MGST2: variants seen among roughly 807,000 people sequenced by gnomAD.
MGST2 encodes the protein glutathione peroxidase MGST2.
In MGST2, 9 loss-of-function variants were observed where a neutral mutation model predicts 16.6. The observed-to-expected ratio is 0.54, with a 90% CI of 0.33 to 0.95. The LOEUF is 0.95. Among genes scored for constraint, MGST2 ranks in the 40% least tolerant of loss-of-function variants. The pLI is 0.03. For missense variants in MGST2, 159 were observed against 175.1 expected (o/e 0.91, Z 0.52); for synonymous variants, 79 against 68.0 (o/e 1.16, Z -0.79).
chr4:139,719,772 G>T, intron 5 of MGST2: 1 of 1,613,712 alleles, frequency 6.2e-7, no homozygotes, highest in Non-Finnish European at 8.5e-7. Context: ...CCAGCTTGAA[G>T]AGGGTAGCTG....
chr4:139,748,295 T>C, the MGST2 span, among the ~76,000 whole-genome samples: 1 of 152,122 alleles, frequency 6.6e-6, no homozygotes, highest in Admixed American at 6.5e-5. Flanking sequence ...TTTCTAGGGC[T>C]GGTCACCAAG....
At chr4:139,711,485 C>A (rs1488598193) in intron 5 of MGST2, among the ~76,000 whole-genome samples, 1 of 152,150 alleles carries the variant, frequency 6.6e-6, no homozygotes, top group Non-Finnish European at 1.5e-5. Flanking sequence ...TTATTCATGT[C>A]TCTCCTTTTT....
chr4:139,707,744 C>T (rs1175866753), downstream of MGST2, among the ~76,000 whole-genome samples: 2 of 152,040 alleles, frequency 1.3e-5, no homozygotes, highest in Admixed American at 6.5e-5. Flanking sequence ...GAATGATCGC[C>T]ATTCTAACTG....
the MGST2 span, among the ~76,000 whole-genome samples, chr4:139,747,672 C>A: frequency 7.0e-6 from 1 of 143,348 alleles, no homozygotes; most frequent in African/African-American, 2.6e-5. Context: ...CCAGCCTGGG[C>A]AAGAGAGCAA....
At chr4:139,680,780 T>C (rs2262377) in intron 2 of MGST2, among the ~76,000 whole-genome samples, 62,521 of 152,010 alleles carry the variant, frequency 0.41, 13,354 homozygotes, top group African/African-American at 0.5. Context: ...TCCTTACCCT[T>C]AGAGTTTTTG....
chr4:139,730,920 G>A (rs1227068571), intron 5 of MGST2: 18 of 555,170 alleles, frequency 3.2e-5, no homozygotes, highest in Non-Finnish European at 5.5e-5. Flanking sequence ...AGTCTGTTTC[G>A]GATGGGACTG....
At chr4:139,719,305 T>C in intron 5 of MGST2, 2 of 1,549,052 alleles carry the variant, frequency 1.3e-6, no homozygotes, top group Non-Finnish European at 1.7e-6. Context: ...GAGTTGTGGA[T>C]CTTGGGGCCT....
chr4:139,721,823 G>A (rs1414293144), intron 5 of MGST2, among the ~76,000 whole-genome samples: 1 of 152,140 alleles, frequency 6.6e-6, no homozygotes, highest in Non-Finnish European at 1.5e-5. Flanking sequence ...AAAGTTCCTA[G>A]TAAAACACTG....
At chr4:139,707,195 T>TC (rs1331047712), downstream of MGST2, among the ~76,000 whole-genome samples, 1 of 151,906 alleles carries the variant, frequency 6.6e-6, no homozygotes, top group Non-Finnish European at 1.5e-5. Context: ...ATGCTATACC[T>TC]CCCCCCTCTC....
chr4:139,668,358 C>T (rs1234523188), intron 1 of MGST2, among the ~76,000 whole-genome samples: 10 of 152,120 alleles, frequency 6.6e-5, no homozygotes, highest in Non-Finnish European at 7.3e-5. Flanking sequence ...AAAGACCTGG[C>T]AAGGGAAAGG....
intron 1 of MGST2, among the ~76,000 whole-genome samples, chr4:139,671,149 A>G (rs1291449508): frequency 1.3e-5 from 2 of 152,058 alleles, no homozygotes; most frequent in Admixed American, 6.6e-5. Context: ...AGTTGTGCCT[A>G]AACTCCAAAA....
In MGST2 at chr4:139,704,149, CTT is replaced by C. The variant is rs748449460; in HGVS notation, c.*5_*6del. 3.6e-5 allele frequency: 58 copies of C among 1,614,012 alleles called. No individual in the cohort carries two copies. The highest frequency in any genetic ancestry group is 6.7e-5 in the Admixed American group (4 of 60,012). On this transcript the variant is annotated 3_prime_UTR_variant, in exon 5 of 5. Coordinates refer to ENST00000265498, the MANE Select transcript of MGST2 (RefSeq NM_002413.5). ...CAAGAAACTGAGGCGGCAATTCTAA[CTT>C]TTTCTCTTCCCTTTAATACTTGCAG...
At chr4:139,703,424 CCTTTT>C in intron 3 of MGST2, 26 bp from the exon 4 acceptor site, 2 of 1,580,772 alleles carry the variant, frequency 1.3e-6, no homozygotes, top group Non-Finnish European at 1.7e-6. Flanking sequence ...GTATTTTGTG[CCTTTT>C]CTTTTTTTTT....
rs71606854 is a variant in MGST2 at position 139,733,689 on chromosome 4, A to G, written c.*49-6523A>G. ...CAGGAAGGGCTGTATGTATTATTTT[A>G]TGATTATTTTTTAGAGACAGGGTTT... On this transcript the variant is annotated intron_variant, in intron 5 of 5. Coordinates refer to the MGST2 transcript ENST00000616265. 9.5e-3 allele frequency among the ~76,000 whole-genome samples: 1,441 copies of G among 151,856 alleles called. 12 individuals are homozygous for G. Among genetic ancestry groups the G allele is most frequent in the Non-Finnish European group, 0.016 (1,085 of 67,972 alleles).
the MGST2 span, among the ~76,000 whole-genome samples, chr4:139,753,600 GA>G: frequency 6.6e-6 from 1 of 152,054 alleles, no homozygotes; most frequent in Non-Finnish European, 1.5e-5. Flanking sequence ...TAAGTGAAGG[GA>G]AAAATATCTG....
At chr4:139,693,068 C>G (rs1560748820) in intron 2 of MGST2, among the ~76,000 whole-genome samples, 1 of 152,260 alleles carries the variant, frequency 6.6e-6, no homozygotes, top group South Asian at 2.1e-4. Context: ...AGGTGTATTA[C>G]AAAACAATAA....
intron 5 of MGST2, among the ~76,000 whole-genome samples, chr4:139,729,137 A>G (rs1482040422): frequency 1.5e-5 from 2 of 136,292 alleles, no homozygotes; most frequent in Non-Finnish European, 3.1e-5. Context: ...ATAATTACAC[A>G]GCTGTTCAGG....
intron 2 of MGST2, among the ~76,000 whole-genome samples, chr4:139,682,761 C>T (rs897032906): frequency 1.3e-5 from 2 of 151,908 alleles, no homozygotes; most frequent in African/African-American, 4.8e-5. Context: ...AGAATTTTTG[C>T]TCCTTAGTTC....
chr4:139,696,698 C>T (rs1726942227), intron 3 of MGST2, among the ~76,000 whole-genome samples: 1 of 152,198 alleles, frequency 6.6e-6, no homozygotes, highest in Non-Finnish European at 1.5e-5. Context: ...TGCACAACGC[C>T]TGTACACAGT....
Sources: allele counts gnomAD v4.1 joint callset (sites outside exome capture counted in the v4.1 genomes callset), GRCh38; gene constraint gnomAD v4.1.1; transcripts MANE v1.5; gene names NCBI Gene and HGNC (gene_info 2026-07-23, HGNC 2026-07-21).